The following NID2 variants were observed in gnomAD, a reference collection of about 807,000 sequenced individuals.
NID2 encodes nidogen 2.
In NID2, 83 loss-of-function variants were observed where a neutral mutation model predicts 145.4. The ratio of observed to expected loss-of-function variants is 0.57; its 90% CI spans 0.48 to 0.69. The LOEUF is 0.69. NID2 is among the 30% of genes least tolerant of loss of function. NID2 has a pLI of 0.00. For missense variants in NID2, 1,807 were observed against 1,765.7 expected (o/e 1.02, Z -0.42); for synonymous variants, 739 against 701.3 (o/e 1.05, Z -0.85).
Position 52,038,870 on chromosome 14 carries a change from C to A in NID2, c.2134G>T (p.Ala712Ser). The change falls in exon 9 of 22, where the codon GCC becomes TCC. Residue 712 changes from alanine to serine, a missense_variant. Ala to Ser is a moderately conservative substitution (Grantham distance 99, BLOSUM62 1). Transcript: ENST00000216286. ...QNITYQVCRHAPRHPSFPTTQ... is the reference protein window; with the variant it reads ...QNITYQVCRHSPRHPSFPTTQ... ...GTGGGGAAGGACGGGTGTCTGGGGG[C>A]GTGCCTGCACACCTGGTAAGTGATG... 1 of 1,614,080 alleles carries A rather than the reference C, an allele frequency of 6.2e-7. No individual in the cohort carries two copies. The highest frequency in any genetic ancestry group is 8.5e-7 in the Non-Finnish European group (1 of 1,179,998).
At chr14:52,006,430 C>T in intron 20 of NID2, 107 bp downstream of exon 20, 1 of 1,290,066 alleles carries the variant, frequency 7.8e-7, no homozygotes. Context: ...ACAAAAGCCT[C>T]AGAGGGCTTA....
chr14:52,027,732 T>C (rs2140373596), intron 11 of NID2, among the ~76,000 whole-genome samples: 1 of 150,616 alleles, frequency 6.6e-6, no homozygotes, highest in Non-Finnish European at 1.5e-5. Flanking sequence ...CTTTCTTTTT[T>C]TTTTTTTTTT....
intron 14 of NID2, among the ~76,000 whole-genome samples, chr14:52,015,680 T>C (rs1891192751): frequency 6.6e-6 from 1 of 152,194 alleles, no homozygotes; most frequent in South Asian, 2.1e-4. Flanking sequence ...CAGGTGATCC[T>C]TGGGGACTCA....
intron 16 of NID2, 151 bp from the exon 17 acceptor site, chr14:52,011,834 C>CG: frequency 2.3e-6 from 2 of 879,382 alleles, no homozygotes; most frequent in Non-Finnish European, 3.5e-6. Flanking sequence ...TGTGGGCACT[C>CG]GGGTGAAATC....
At chr14:52,013,587 T>C (rs1390310736) in intron 16 of NID2, among the ~76,000 whole-genome samples, 1 of 152,198 alleles carries the variant, frequency 6.6e-6, no homozygotes, top group East Asian at 1.9e-4. Flanking sequence ...TTCCACTGTG[T>C]CGATGCCATT....
chr14:52,024,264 TTAA>T lies in NID2; in HGVS notation c.2674+2934_2674+2936del, dbSNP rs1377638875. Among the ~76,000 whole-genome samples the T allele has an allele frequency of 2.0e-5, 3 of 152,216 alleles. No individual in the cohort carries two copies. The East Asian group carries it at 5.8e-4, about 29-fold the overall frequency. ...CACCCTTTCAGTAACTTGCTTTTAA[TTAA>T]TAAAGCAACATTGAAGGGATGTCAT... On this transcript the variant is annotated intron_variant, in intron 12 of 21. Transcript: ENST00000216286.
At chr14:52,020,316 C>A (rs1891357781) in intron 12 of NID2, 138 bp from the exon 13 acceptor site, 10 of 1,399,200 alleles carry the variant, frequency 7.1e-6, no homozygotes, top group Non-Finnish European at 8.5e-6. Flanking sequence ...TGAGCATGAG[C>A]AGAAAAATGC....
chr14:52,030,788 T>G (rs1447400115), intron 9 of NID2, among the ~76,000 whole-genome samples: 1 of 152,140 alleles, frequency 6.6e-6, no homozygotes, highest in Non-Finnish European at 1.5e-5. Context: ...GAGCTTAAGC[T>G]TGCAGTGAGC....
chr14:52,065,341 T>A (rs570953064), intron 2 of NID2, among the ~76,000 whole-genome samples: 15 of 152,150 alleles, frequency 9.9e-5, no homozygotes, highest in African/African-American at 3.4e-4. Flanking sequence ...CCAAAGTCTA[T>A]CTCCAAAGAA....
intron 3 of NID2, among the ~76,000 whole-genome samples, chr14:52,055,129 A>C (rs1316766912): frequency 6.6e-6 from 1 of 152,228 alleles, no homozygotes; most frequent in Non-Finnish European, 1.5e-5. Flanking sequence ...ATCTGCAAAT[A>C]GAGGTGATCA....
chr14:52,015,004 G>A, intron 15 of NID2, 50 bp downstream of exon 15: 1 of 1,486,782 alleles, frequency 6.7e-7, no homozygotes, highest in Non-Finnish European at 9.2e-7. Context: ...ACCATCCCTA[G>A]CAAAGGCCTT....
At chr14:52,055,713 A>C (rs1008073527) in intron 3 of NID2, among the ~76,000 whole-genome samples, 1 of 152,192 alleles carries the variant, frequency 6.6e-6, no homozygotes, top group Non-Finnish European at 1.5e-5. Flanking sequence ...CTCCTCTGAT[A>C]TTTGTACAAA....
In NID2 at chr14:52,042,256, G is replaced by A. The variant is rs748259191; in HGVS notation, c.1674C>T (p.Ile558=). 3.1e-6 allele frequency: 5 copies of A among 1,614,088 alleles called. No individual in the cohort carries two copies. Among genetic ancestry groups the A allele is most frequent in the Non-Finnish European group, 3.4e-6 (4 of 1,180,036 alleles). Residue 558 remains isoleucine, a synonymous_variant, in exon 7 of 22, where the codon ATC becomes ATT. Coordinates refer to ENST00000216286, the MANE Select transcript of NID2 (RefSeq NM_007361.4). ...TGTAGGCTCTGCCATCATTGCCCAC[G>A]ATATACGCATGCAGGTCCACATCAG... ...HFTDVDLHAY[I]VGNDGRAYTA...
At chr14:52,046,713 G>C (rs1288404355) in intron 5 of NID2, among the ~76,000 whole-genome samples, 2 of 152,212 alleles carry the variant, frequency 1.3e-5, no homozygotes, top group African/African-American at 4.8e-5. Context: ...CCCATGAAAG[G>C]CTATTATGAG....
intron 1 of NID2, 75 bp from the exon 2 acceptor site, chr14:52,068,238 G>T: frequency 7.0e-7 from 1 of 1,425,558 alleles, no homozygotes; most frequent in Non-Finnish European, 9.8e-7. Flanking sequence ...AGGGAGGGAA[G>T]GGAACTGACT....
intron 20 of NID2, 98 bp downstream of exon 20, chr14:52,006,439 T>TA: frequency 1.4e-6 from 2 of 1,414,164 alleles, no homozygotes; most frequent in East Asian, 2.3e-5. Context: ...TCAGAGGGCT[T>TA]AATGAGTCAA....
At chr14:52,028,027 A>T (rs1432567808) in intron 11 of NID2, among the ~76,000 whole-genome samples, 1 of 152,222 alleles carries the variant, frequency 6.6e-6, no homozygotes, top group Non-Finnish European at 1.5e-5. Context: ...CTCTTTAGCC[A>T]GTCAAGTAGG....
chr14:52,026,133 G>A (rs1213850781), intron 12 of NID2, among the ~76,000 whole-genome samples: 1 of 152,210 alleles, frequency 6.6e-6, no homozygotes, highest in African/African-American at 2.4e-5. Flanking sequence ...GTAACACATG[G>A]CCTCAGCCTG....
At position 52,005,718 on chromosome 14, in the gene NID2, C is replaced by G. The variant is rs1425857046; in HGVS notation, c.4117+19G>C. On this transcript the variant is annotated intron_variant, in intron 21 of 21. Coordinates refer to ENST00000216286, the MANE Select transcript of NID2 (RefSeq NM_007361.4). ...CTACCCTGCTAATTTAAAGGAGCAT[C>G]CTAAAGCATACTTTTTACCTGTTGG... The G allele has an allele frequency of 1.3e-6, 2 of 1,584,078 alleles. No homozygotes were observed. The highest frequency in any genetic ancestry group is 1.7e-6 in the Non-Finnish European group (2 of 1,152,756).
Sources: allele counts gnomAD v4.1 joint callset (sites outside exome capture counted in the v4.1 genomes callset), GRCh38; gene constraint gnomAD v4.1.1; transcripts MANE v1.5; gene names NCBI Gene and HGNC (gene_info 2026-07-23, HGNC 2026-07-21).